Variants in GSG1L observed in about 807,000 individuals in gnomAD.
The protein encoded by GSG1L is GSG1 like.
In GSG1L, 24 loss-of-function variants were observed where a neutral mutation model predicts 42.1. The ratio of observed to expected loss-of-function variants is 0.57; its 90% CI spans 0.41 to 0.80. The LOEUF (loss-of-function observed/expected upper bound fraction) is 0.80. GSG1L is among the 30% of genes least tolerant of loss of function. The pLI is 0.00. For synonymous variants in GSG1L, 215 were observed against 203.5 expected (o/e 1.06, Z -0.48); for missense variants, 445 against 472.2 (o/e 0.94, Z 0.53).
chr16:27,978,624 G>A (rs1337282402), intron 1 of GSG1L, among the ~76,000 whole-genome samples: 3 of 149,122 alleles, frequency 2.0e-5, no homozygotes, highest in African/African-American at 7.4e-5. Flanking sequence ...CTGGGAGGCG[G>A]AGGTTGCAGT....
intron 1 of GSG1L, among the ~76,000 whole-genome samples, chr16:27,979,788 G>GAA: frequency 6.1e-5 from 7 of 115,426 alleles, no homozygotes; most frequent in African/African-American, 1.0e-4. Context: ...GAAAGAAAAA[G>GAA]AAAGAAAGGA....
At position 27,788,625 on chromosome 16, in the gene GSG1L, C is replaced by T. The variant is rs928574644; in HGVS notation, c.*2745G>A. On this transcript the variant is annotated 3_prime_UTR_variant, in exon 7 of 7. Transcript: ENST00000447459. Reference sequence around the variant, plus strand: ...TACTCTTGCCTGGCTGATGCCCAGACAATCTTCATGTCTTGGCTTAGACAT... The same window carrying T: ...TACTCTTGCCTGGCTGATGCCCAGATAATCTTCATGTCTTGGCTTAGACAT... The T allele has an allele frequency of 4.6e-5, 7 of 152,208 alleles. No individual in the cohort carries two copies. The highest frequency in any genetic ancestry group is 2.1e-4 in the South Asian group (1 of 4,830). The allele number at this position is 152,208 out of a possible 1,614,324, so 9.4% of individuals were successfully genotyped here.
intron 6 of GSG1L, among the ~76,000 whole-genome samples, chr16:27,804,037 G>GGATAGATAGATA (rs557443110): frequency 2.3e-5 from 3 of 132,676 alleles, no homozygotes; most frequent in Non-Finnish European, 4.7e-5. Flanking sequence ...TAGATTAGAT[G>GGATAGATAGATA]GATAGATAGA....
chr16:27,806,543 A>G (rs2082964874), intron 6 of GSG1L, among the ~76,000 whole-genome samples: 2 of 152,214 alleles, frequency 1.3e-5, no homozygotes, highest in South Asian at 4.1e-4. Flanking sequence ...CCTGATGATC[A>G]TTGACTCTTT....
chr16:27,795,969 G>A lies in GSG1L; in HGVS notation c.899-4502C>T, dbSNP rs541044446. ...CCAAAATGGATTCATTGGGTTGGGA[G>A]GGCCCTTCAAGACCAGGAACGTCAA... On this transcript the variant is annotated intron_variant, in intron 6 of 6. Transcript: ENST00000447459. 8.5e-5 allele frequency among the ~76,000 whole-genome samples: 13 copies of A among 152,228 alleles called. No individual in the cohort carries two copies. The South Asian group carries it at 2.5e-3, about 29-fold the overall frequency.
intron 5 of GSG1L, among the ~76,000 whole-genome samples, chr16:27,826,592 A>G (rs1260541870): frequency 6.6e-6 from 1 of 152,186 alleles, no homozygotes; most frequent in East Asian, 1.9e-4. Flanking sequence ...GGACGGAGCC[A>G]GCAGAGGATG....
chr16:27,871,528 C>T (rs556879279), intron 3 of GSG1L, among the ~76,000 whole-genome samples: 1 of 152,188 alleles, frequency 6.6e-6, no homozygotes, highest in South Asian at 2.1e-4. Flanking sequence ...GTCCCAGCTA[C>T]TCAGGAGGTT....
chr16:28,001,837 G>A (rs780872140), intron 1 of GSG1L, among the ~76,000 whole-genome samples: 3 of 152,186 alleles, frequency 2.0e-5, no homozygotes, highest in Non-Finnish European at 2.9e-5. Context: ...TCACCACTCC[G>A]TGCAGCCTGG....
At chr16:27,792,616 C>T (rs75727665) in intron 6 of GSG1L, among the ~76,000 whole-genome samples, 2,318 of 152,240 alleles carry the variant, frequency 0.015, 70 homozygotes, top group African/African-American at 0.054. Context: ...CTGACATCCT[C>T]CCCCTGGCAC....
intron 2 of GSG1L, among the ~76,000 whole-genome samples, chr16:27,909,166 C>T (rs1376712645): frequency 6.6e-6 from 1 of 152,078 alleles, no homozygotes; most frequent in Non-Finnish European, 1.5e-5. Flanking sequence ...CAAGAGTTCT[C>T]TCTAGTTAGC....
intron 1 of GSG1L, among the ~76,000 whole-genome samples, chr16:27,986,219 G>C (rs2141130092): frequency 6.6e-6 from 1 of 152,156 alleles, no homozygotes; most frequent in East Asian, 1.9e-4. Context: ...GTGTGATCTG[G>C]CCAGGCGCAA....
At chr16:27,967,457 C>T (rs2085148227) in intron 1 of GSG1L, among the ~76,000 whole-genome samples, 1 of 152,198 alleles carries the variant, frequency 6.6e-6, no homozygotes, top group Non-Finnish European at 1.5e-5. Flanking sequence ...CCTGCCCCCG[C>T]CTTGTGCTCC....
intron 2 of GSG1L, among the ~76,000 whole-genome samples, chr16:27,937,245 C>A (rs1389576188): frequency 6.8e-6 from 1 of 146,174 alleles, no homozygotes; most frequent in Admixed American, 6.9e-5. Flanking sequence ...TGCTCTTCTG[C>A]CTTTTTTTTT....
intron 2 of GSG1L, among the ~76,000 whole-genome samples, chr16:27,941,425 C>G (rs1028741135): frequency 6.7e-6 from 1 of 150,180 alleles, no homozygotes; most frequent in Non-Finnish European, 1.5e-5. Flanking sequence ...AATCCCAACA[C>G]TTTAGGAGAT....
chr16:27,846,730 G>A lies in GSG1L; in HGVS notation c.551-1669C>T, dbSNP rs558884722. Among the ~76,000 whole-genome samples the A allele has an allele frequency of 4.6e-5, 7 of 152,166 alleles. No homozygotes were observed. The South Asian group carries it at 8.3e-4, about 18-fold the overall frequency. ...AGCATTTTGGGAGGCCGAGGCATGC[G>A]GATCACGAGGTCAGGAGATTGAGAC... On this transcript the variant is annotated intron_variant, in intron 3 of 6. Coordinates refer to ENST00000447459, the MANE Select transcript of GSG1L (RefSeq NM_001109763.2).
chr16:27,858,909 T>A (rs2083610076), intron 3 of GSG1L, among the ~76,000 whole-genome samples: 2 of 152,190 alleles, frequency 1.3e-5, no homozygotes, highest in Non-Finnish European at 1.5e-5. Flanking sequence ...GAAGTCAGGG[T>A]AGGCCTCCCT....
At chr16:27,947,567 A>AAGAC (rs1206494935) in intron 2 of GSG1L, among the ~76,000 whole-genome samples, 1 of 90,988 alleles carries the variant, frequency 1.1e-5, no homozygotes, top group South Asian at 2.7e-4. Flanking sequence ...GAAAGAAAGA[A>AAGAC]AGAAAGAAAG....
chr16:27,795,061 C>G (rs1333512595), intron 6 of GSG1L, among the ~76,000 whole-genome samples: 2 of 152,118 alleles, frequency 1.3e-5, no homozygotes. Flanking sequence ...CAGCATGGGT[C>G]TCCCCAATGA....
rs959823021 is a variant in GSG1L, at chr16:27,949,220, A to G, written c.397+13936T>C. On this transcript the variant is annotated intron_variant, in intron 2 of 6. Transcript: ENST00000447459. ...CATGAGCCACCGCCACTACTCTATC[A>G]TCATTATTATTATTAATTTGAAAGC... is the stretch of plus-strand genomic sequence containing the variant. 2.6e-5 allele frequency among the ~76,000 whole-genome samples: 4 copies of G among 152,006 alleles called. No individual in the cohort carries two copies. In the East Asian group the frequency reaches 5.8e-4, roughly 22 times the overall value.
Sources: gnomAD v4.1 joint callset for allele counts (sites outside exome capture counted in the v4.1 genomes callset) on GRCh38, gnomAD v4.1.1 for gene constraint, MANE v1.5 for transcripts, NCBI Gene and HGNC (gene_info 2026-07-23, HGNC 2026-07-21) for gene names.